The following MTUS1 variants were observed in gnomAD, a reference collection of about 807,000 sequenced individuals.
The protein encoded by MTUS1 is microtubule associated scaffold protein 1.
MTUS1 carries 109 observed loss-of-function variants against 120.8 expected under a neutral mutation model. The observed-to-expected ratio is 0.90, with a 90% confidence interval of 0.77 to 1.06. The LOEUF is 1.06. MTUS1 is among the 50% of genes least tolerant of loss of function. MTUS1 has a pLI of 0.00. For missense variants in MTUS1, 2,210 were observed against 1,486.3 expected, an observed-to-expected ratio of 1.49 and a Z score of -8.01; for synonymous variants, 737 against 550.5, an observed-to-expected ratio of 1.34 and a Z score of -4.74.
At chr8:17,693,612 T>C (rs1817389543) in intron 6 of MTUS1, among the ~76,000 whole-genome samples, 2 of 152,228 alleles carry the variant, frequency 1.3e-5, no homozygotes, top group Non-Finnish European at 1.5e-5. Flanking sequence ...TGCTGTTTTC[T>C]CTGTCGGAAA....
At chr8:17,678,495 G>C (rs1813575900) in intron 7 of MTUS1, among the ~76,000 whole-genome samples, 1 of 152,148 alleles carries the variant, frequency 6.6e-6, no homozygotes, top group South Asian at 2.1e-4. Flanking sequence ...CAGGCACTTA[G>C]TCTCTGGCTG....
chr8:17,729,754 T>C (rs940931216), intron 3 of MTUS1, among the ~76,000 whole-genome samples: 27 of 150,892 alleles, frequency 1.8e-4, no homozygotes, highest in Middle Eastern at 6.8e-3. Context: ...TAATTAAGAA[T>C]AGCCAAAAAA....
chr8:17,736,262 G>T (rs1410346427), intron 3 of MTUS1, among the ~76,000 whole-genome samples: 2 of 152,254 alleles, frequency 1.3e-5, no homozygotes, highest in East Asian at 1.9e-4. Context: ...CCGTGAGGAT[G>T]AAAAGAGGAC....
At chr8:17,744,877 C>A (rs2047626676) in intron 2 of MTUS1, among the ~76,000 whole-genome samples, 1 of 151,994 alleles carries the variant, frequency 6.6e-6, no homozygotes, top group African/African-American at 2.4e-5. Flanking sequence ...ATCTTTGAAT[C>A]CACCTATGAT....
intron 3 of MTUS1, among the ~76,000 whole-genome samples, chr8:17,731,518 G>C (rs1158505017): frequency 1.3e-5 from 2 of 152,028 alleles, no homozygotes; most frequent in African/African-American, 4.8e-5. Context: ...ACAACGCAAA[G>C]GGCTTAAGAT....
chr8:17,737,457 T>C (rs2047013585), intron 3 of MTUS1, among the ~76,000 whole-genome samples: 2 of 152,354 alleles, frequency 1.3e-5, no homozygotes, highest in South Asian at 2.1e-4. Context: ...CATAAAAATA[T>C]AGAAACATCT....
Position 17,700,269 on chromosome 8 carries a change from G to C in MTUS1, c.2623+12945C>G, listed in dbSNP as rs556673884. On this transcript the variant is annotated intron_variant, in intron 6 of 14. Transcript: ENST00000693296. ...GGATCACCTGAGGTCAGAAGTTCAA[G>C]ACCAGCCTGGCCAACATGGTGAAAC... Among the ~76,000 whole-genome samples the C allele has an allele frequency of 6.1e-3, 929 of 151,968 alleles. 12 individuals carry two copies. The highest frequency in any genetic ancestry group is 0.021 in the African/African-American group (879 of 41,450).
At chr8:17,682,690 C>T (rs1398654402) in intron 7 of MTUS1, among the ~76,000 whole-genome samples, 1 of 151,916 alleles carries the variant, frequency 6.6e-6, no homozygotes, top group African/African-American at 2.4e-5. Context: ...GGAGAGAAAA[C>T]AGTTGAGGAT....
chr8:17,769,016 T>C (rs1336057486), intron 1 of MTUS1, among the ~76,000 whole-genome samples: 1 of 152,136 alleles, frequency 6.6e-6, no homozygotes, highest in Non-Finnish European at 1.5e-5. Flanking sequence ...TATAGTCAGT[T>C]TGTCTTAGAT....
chr8:17,722,282 CTG>C (rs1195551807), intron 4 of MTUS1: 12 of 985,118 alleles, frequency 1.2e-5, no homozygotes, highest in Non-Finnish European at 1.3e-5. Flanking sequence ...GCACTACAGA[CTG>C]TGTCTGCTTC....
intron 8 of MTUS1, chr8:17,674,775 C>A (rs759485097): frequency 1.3e-5 from 13 of 1,008,416 alleles, no homozygotes; most frequent in South Asian, 4.4e-5. Context: ...TTCATACTCA[C>A]TACTCACAAA....
At chr8:17,706,923 T>C (rs577119384) in intron 6 of MTUS1, among the ~76,000 whole-genome samples, 2 of 152,352 alleles carry the variant, frequency 1.3e-5, no homozygotes, top group South Asian at 2.1e-4. Flanking sequence ...CTAAACTACA[T>C]GCTAAACTTT....
At chr8:17,783,637 ACT>A (rs2051068253) in intron 1 of MTUS1, among the ~76,000 whole-genome samples, 1 of 152,106 alleles carries the variant, frequency 6.6e-6, no homozygotes, top group African/African-American at 2.4e-5. Flanking sequence ...ACTGTGTTCA[ACT>A]CAGCCTGAGG....
intron 8 of MTUS1, chr8:17,674,552 G>A (rs1353410661): frequency 2.0e-6 from 2 of 985,942 alleles, no homozygotes; most frequent in Admixed American, 6.1e-5. Flanking sequence ...GAAACTGGAG[G>A]GCTGGGTGGT....
In MTUS1 at chr8:17,647,072, T is replaced by C; in HGVS notation, c.3509A>G (p.Asn1170Ser). 6.2e-7 allele frequency: 1 copy of C among 1,613,576 alleles called. No individual in the cohort carries two copies. Among genetic ancestry groups the C allele is most frequent in the Non-Finnish European group, 8.5e-7 (1 of 1,179,706 alleles). Reference protein sequence around the residue: ...KLMKMEKLVDNNTALVDKLKR... With the variant: ...KLMKMEKLVDSNTALVDKLKR... Reference sequence around the variant, plus strand: ...CAATTTGTCAACCAATGCTGTGTTGTTGTCCACCTTGGCATAAACAAGAAT... The same window carrying C: ...CAATTTGTCAACCAATGCTGTGTTGCTGTCCACCTTGGCATAAACAAGAAT... The change falls in exon 14 of 15, where the codon AAC becomes AGC. Residue 1170 changes from asparagine to serine, a missense_variant. Asn to Ser is a conservative substitution (Grantham distance 46, BLOSUM62 1). Coordinates refer to ENST00000693296, the MANE Select transcript of MTUS1 (RefSeq NM_001363059.2).
At chr8:17,665,270 C>T (rs2130486644) in intron 8 of MTUS1, among the ~76,000 whole-genome samples, 1 of 152,304 alleles carries the variant, frequency 6.6e-6, no homozygotes, top group East Asian at 1.9e-4. Context: ...TCACTAAGAG[C>T]TCATTTCAAA....
At chr8:17,656,511 G>A (rs573871282) in intron 8 of MTUS1, among the ~76,000 whole-genome samples, 1 of 150,408 alleles carries the variant, frequency 6.6e-6, no homozygotes, top group Non-Finnish European at 1.5e-5. Flanking sequence ...CGGGGTGACA[G>A]ACTGAGACTC....
Position 17,645,842 on chromosome 8 carries a change from C to G in MTUS1, c.*84G>C. 6.6e-7 allele frequency: 1 copy of G among 1,507,896 alleles called. No individual in the cohort carries two copies. Among genetic ancestry groups the G allele is most frequent in the Non-Finnish European group, 8.9e-7 (1 of 1,125,280 alleles). 93.4% of individuals were successfully genotyped at this position (1,507,896 alleles called of 1,614,324 possible). A position where few individuals can be genotyped will look rare whatever the true frequency, so the allele number is the denominator to read the frequency against. ...TGATCACACGTGTGCTGATATACCT[C>G]TTGTGCCCACGTTCCTCCTTGGGGT... On this transcript the variant is annotated 3_prime_UTR_variant, in exon 15 of 15. Transcript: ENST00000693296.
chr8:17,769,429 G>C (rs2049842030), intron 1 of MTUS1, among the ~76,000 whole-genome samples: 1 of 148,336 alleles, frequency 6.7e-6, no homozygotes, highest in African/African-American at 2.5e-5. Context: ...CTCACTGCAA[G>C]CTCCGCCTCC....
Sources: gnomAD v4.1 joint callset for allele counts (sites outside exome capture counted in the v4.1 genomes callset) on GRCh38, gnomAD v4.1.1 for gene constraint, MANE v1.5 for transcripts, NCBI Gene and HGNC (gene_info 2026-07-23, HGNC 2026-07-21) for gene names.